The following SLC17A1 variants were observed in gnomAD, a reference collection of about 807,000 sequenced individuals.
SLC17A1 encodes the protein solute carrier family 17 member 1, also known as sodium-dependent phosphate transport protein 1.
Under a neutral mutation model 53.5 loss-of-function variants are expected in SLC17A1, and 51 were observed. The ratio of observed to expected loss-of-function variants is 0.95; its 90% CI spans 0.76 to 1.20. The LOEUF is 1.20. Ranked by LOEUF, SLC17A1 falls within the 50% of genes most tolerant of loss-of-function variation. The pLI, the probability that SLC17A1 is intolerant of heterozygous loss-of-function variation, is 0.00. For missense variants in SLC17A1, 538 were observed against 568.2 expected, an observed-to-expected ratio of 0.95 and a Z score of 0.54; for synonymous variants, 179 against 198.8, an observed-to-expected ratio of 0.90 and a Z score of 0.84.
the SLC17A1 span, among the ~76,000 whole-genome samples, chr6:25,736,143 G>A: frequency 6.6e-6 from 1 of 152,112 alleles, no homozygotes; most frequent in South Asian, 2.1e-4. Context: ...GGGAATGTCT[G>A]TGTATCTCAG....
chr6:25,828,387 C>CTAAGAAT (rs1378490852), intron 2 of SLC17A1, among the ~76,000 whole-genome samples: 6 of 152,018 alleles, frequency 3.9e-5, no homozygotes, highest in Non-Finnish European at 7.4e-5. Context: ...TCATAGTTAA[C>CTAAGAAT]TAAGAATTTT....
At chr6:25,813,832 G>A (rs1355378654) in intron 6 of SLC17A1, among the ~76,000 whole-genome samples, 2 of 152,092 alleles carry the variant, frequency 1.3e-5, no homozygotes, top group Non-Finnish European at 2.9e-5. Flanking sequence ...GAGAACATGC[G>A]GTATTTAGTT....
At chr6:25,775,652 T>C in the SLC17A1 span, among the ~76,000 whole-genome samples, 3 of 152,108 alleles carry the variant, frequency 2.0e-5, no homozygotes, top group African/African-American at 7.2e-5. Flanking sequence ...GGTCTCGAAC[T>C]CCTGAGCTCA....
the SLC17A1 span, among the ~76,000 whole-genome samples, chr6:25,731,106 T>C: frequency 6.6e-6 from 1 of 152,254 alleles, no homozygotes; most frequent in African/African-American, 2.4e-5. Context: ...CTTAAGCGGC[T>C]AAGCAACATA....
chr6:25,785,110 T>C (rs1304582546), intron 12 of SLC17A1, among the ~76,000 whole-genome samples: 2 of 152,104 alleles, frequency 1.3e-5, no homozygotes, highest in Non-Finnish European at 2.9e-5. Context: ...ACACTTGCAA[T>C]GAGCCATCCA....
chr6:25,830,222 A>C (rs950464845), intron 2 of SLC17A1, among the ~76,000 whole-genome samples: 2 of 152,176 alleles, frequency 1.3e-5, no homozygotes, highest in South Asian at 2.1e-4. Flanking sequence ...TTACAGATCT[A>C]TCTCTCTTTC....
the SLC17A1 span, among the ~76,000 whole-genome samples, chr6:25,742,153 A>G: frequency 5.3e-5 from 8 of 152,334 alleles, no homozygotes; most frequent in South Asian, 4.1e-4. Flanking sequence ...TCCCAAGGTT[A>G]AAAGAATCAT....
the SLC17A1 span, chr6:25,777,207 T>A: frequency 4.4e-6 from 2 of 456,548 alleles, no homozygotes; most frequent in Admixed American, 7.6e-5. Context: ...TGAGGGAGAC[T>A]CACACAAACC....
Position 25,811,489 on chromosome 6 carries a change from A to G in SLC17A1, c.1087T>C (p.Tyr363His). 6.2e-7 allele frequency: 1 copy of G among 1,614,060 alleles called. No homozygotes were observed. The highest frequency in any genetic ancestry group is 1.1e-5 in the South Asian group (1 of 91,082). Residue 363 changes from tyrosine to histidine, a missense_variant, in exon 10 of 13, where the codon TAC (tyrosine) becomes CAC (histidine). By Grantham distance (83) the Tyr-to-His change is moderately conservative. Coordinates refer to ENST00000244527, the MANE Select transcript of SLC17A1 (RefSeq NM_005074.5). ...AGTATTAGGAAAATGACAATGCTGT[A>G]GAAGGTGGAACTCAGGTAAGGCAGG... ...VCLPYLSSTF[Y>H]SIVIFLILAG...
chr6:25,726,040 C>T, the SLC17A1 span: 21 of 1,185,254 alleles, frequency 1.8e-5, no homozygotes, highest in Non-Finnish European at 2.0e-5. Context: ...CGTTTTGTAA[C>T]GTACAGCCTT....
chr6:25,788,833 A>G (rs9393670), intron 12 of SLC17A1, among the ~76,000 whole-genome samples: 65,538 of 152,022 alleles, frequency 0.43, 16,949 homozygotes, highest in South Asian at 0.6. Context: ...CAAAGTAAAT[A>G]CAAACATTAA....
At chr6:25,726,198 A>C in the SLC17A1 span, 1 of 1,603,458 alleles carries the variant, frequency 6.2e-7, no homozygotes. Context: ...CCTGAATGTT[A>C]GGCAGGACTC....
At chr6:25,809,445 A>C (rs1184241552) in intron 10 of SLC17A1, among the ~76,000 whole-genome samples, 1 of 152,032 alleles carries the variant, frequency 6.6e-6, no homozygotes, top group Admixed American at 6.6e-5. Context: ...AAGAAAGAAA[A>C]AGATTTTTAA....
At chr6:25,759,551 T>C in the SLC17A1 span, among the ~76,000 whole-genome samples, 1 of 152,250 alleles carries the variant, frequency 6.6e-6, no homozygotes, top group Non-Finnish European at 1.5e-5. Flanking sequence ...ATAATGTCTC[T>C]CTTTATCTTT....
the SLC17A1 span, chr6:25,727,113 A>T: frequency 6.2e-7 from 1 of 1,614,224 alleles, no homozygotes; most frequent in South Asian, 1.1e-5. Context: ...TTCCTTCGTC[A>T]CTGATATCTT....
the SLC17A1 span, chr6:25,726,855 T>C: frequency 1.3e-6 from 2 of 1,555,560 alleles, no homozygotes; most frequent in East Asian, 2.2e-5. Flanking sequence ...CACTGGAAAG[T>C]GCTGTGTAAC....
chr6:25,792,531 T>C (rs1054262994), intron 12 of SLC17A1, among the ~76,000 whole-genome samples: 5 of 152,184 alleles, frequency 3.3e-5, no homozygotes, highest in African/African-American at 1.2e-4. Flanking sequence ...CCCATCAGGA[T>C]CATGCTGACC....
the SLC17A1 span, among the ~76,000 whole-genome samples, chr6:25,768,183 A>T: frequency 6.6e-6 from 1 of 152,204 alleles, no homozygotes; most frequent in East Asian, 1.9e-4. Flanking sequence ...CTCAGAGTTG[A>T]ACCAAAGGTA....
chr6:25,726,976 C>T, the SLC17A1 span: 1,094 of 1,614,110 alleles, frequency 6.8e-4, no homozygotes, highest in Non-Finnish European at 8.9e-4. Context: ...GTCGTTAAGA[C>T]CCAGAAAAAG....
Sources: allele counts gnomAD v4.1 joint callset (sites outside exome capture counted in the v4.1 genomes callset), GRCh38; gene constraint gnomAD v4.1.1; transcripts MANE v1.5; gene names NCBI Gene and HGNC (gene_info 2026-07-23, HGNC 2026-07-21).